Variants in FAM24A observed in about 807,000 individuals in gnomAD.
FAM24A encodes the protein protein FAM24A.
FAM24A carries 2 observed loss-of-function variants against 2.8 expected under a neutral mutation model. The observed-to-expected ratio is 0.73, with a 90% CI of 0.30 to 2.28. The LOEUF (loss-of-function observed/expected upper bound fraction) is 2.28, where lower values mean the gene tolerates loss of function less well. Among genes scored for constraint, FAM24A ranks in the 30% most tolerant of loss-of-function variants. FAM24A has a pLI of 0.12. For missense variants in FAM24A, 109 were observed against 132.0 expected, an observed-to-expected ratio of 0.83 and a Z score of 0.85; for synonymous variants, 46 against 47.5, an observed-to-expected ratio of 0.97 and a Z score of 0.13.
Position 122,911,754 on chromosome 10 carries a change from A to G in FAM24A, c.120A>G (p.Ala40=). 13 of 1,614,110 alleles carry G rather than the reference A, an allele frequency of 8.1e-6. No homozygotes were observed. Among genetic ancestry groups the G allele is most frequent in the Non-Finnish European group, 1.1e-5 (13 of 1,179,994 alleles). ...VFCLYFKVAK[A]LKAAKDPDAV... The stretch of plus-strand genomic sequence containing the variant: ...GTCTTTACTTCAAAGTAGCTAAGGC[A>G]CTAAAGTGAGTCATGTGGGGGAAAA... Residue 40 remains alanine, a synonymous_variant, in exon 2 of 3, where the codon GCA becomes GCG. Coordinates refer to ENST00000368894, the MANE Select transcript of FAM24A (RefSeq NM_001029888.3).
chr10:122,911,514 A>G (rs537060048), intron 1 of FAM24A, 119 bp from the exon 2 acceptor site: 330 of 1,444,494 alleles, frequency 2.3e-4, no homozygotes, highest in Non-Finnish European at 2.9e-4. Flanking sequence ...GACTCTCTGG[A>G]AAGATTTGCT....
intron 2 of FAM24A, 93 bp downstream of exon 2, chr10:122,911,852 T>G: frequency 4.7e-5 from 68 of 1,443,090 alleles, no homozygotes; most frequent in Non-Finnish European, 5.9e-5. Flanking sequence ...GCTGTGGCCA[T>G]ACCCCTGAGT....
intron 2 of FAM24A, among the ~76,000 whole-genome samples, chr10:122,912,338 G>A (rs1252108485): frequency 3.3e-5 from 5 of 152,176 alleles, no homozygotes; most frequent in Admixed American, 6.5e-5. Flanking sequence ...AGAAAGAAAA[G>A]GGAATGTAGG....
chr10:122,911,746 G>C lies in FAM24A; in HGVS notation c.112G>C (p.Ala38Pro). The change falls in exon 2 of 3, where the codon GCT (alanine) becomes CCT (proline). Residue 38 changes from alanine (A) to proline (P), a missense_variant. Ala to Pro is a conservative substitution (Grantham distance 27). Coordinates refer to ENST00000368894, the MANE Select transcript of FAM24A (RefSeq NM_001029888.3). The stretch of plus-strand genomic sequence containing the variant: ...TGTGTTCTGTCTTTACTTCAAAGTA[G>C]CTAAGGCACTAAAGTGAGTCATGTG... Reference protein sequence around the residue: ...SVVFCLYFKVAKALKAAKDPD... With the variant: ...SVVFCLYFKVPKALKAAKDPD... The C allele has an allele frequency of 6.2e-7, 1 of 1,614,136 alleles. No homozygotes were observed. The highest frequency in any genetic ancestry group is 8.5e-7 in the Non-Finnish European group (1 of 1,180,016).
Position 122,912,822 on chromosome 10 carries a change from G to T in FAM24A, c.186G>T (p.Trp62Cys). The T allele has an allele frequency of 6.2e-7, 1 of 1,614,078 alleles. No homozygotes were observed. The highest frequency in any genetic ancestry group is 8.5e-7 in the Non-Finnish European group (1 of 1,180,020). Residue 62 changes from tryptophan to cysteine, a missense_variant, in exon 3 of 3, where the codon TGG (tryptophan) becomes TGT (cysteine). Transcript: ENST00000368894. ...ATCACAACCCAGACAAGGTGTGTTG[G>T]GCCACGAACAGCCAGGCCAAAGCCA... is the stretch of plus-strand genomic sequence containing the variant. ...VKNHNPDKVC[W>C]ATNSQAKATT...
chr10:122,911,597 A>AAGG, intron 1 of FAM24A, 36 bp from the exon 2 acceptor site: 1 of 1,609,092 alleles, frequency 6.2e-7, no homozygotes, highest in Non-Finnish European at 8.5e-7. Context: ...TGTGGGGAGG[A>AAGG]AGGCCACGTT....
At position 122,912,764 on chromosome 10, in the gene FAM24A, C is replaced by T. The variant is rs1220896042; in HGVS notation, c.128C>T (p.Ala43Val). 2 of 1,608,398 alleles carry T rather than the reference C, an allele frequency of 1.2e-6. No homozygotes were observed. The highest frequency in any genetic ancestry group is 1.7e-6 in the Non-Finnish European group (2 of 1,178,356). The change falls in exon 3 of 3, where the codon GCT becomes GTT. Residue 43 changes from alanine (A) to valine (V), a missense_variant and splice_region_variant. Transcript: ENST00000368894. ...LYFKVAKALK[A>V]AKDPDAVAVK... ...AGCTTTGTGTGTCTTTTCTTAAGAG[C>T]TGCAAAGGACCCTGATGCTGTGGCT...
intron 1 of FAM24A, among the ~76,000 whole-genome samples, 192 bp downstream of exon 1, chr10:122,911,011 T>C (rs1026060574): frequency 9.2e-5 from 14 of 152,120 alleles, no homozygotes; most frequent in East Asian, 3.9e-4. Context: ...GGACAGGGGC[T>C]CCTGAATAAG....
At position 122,911,767 on chromosome 10, in the gene FAM24A, A is replaced by T. The variant is rs368792217; in HGVS notation, c.125+8A>T. The T allele has an allele frequency of 4.3e-6, 7 of 1,613,610 alleles. No homozygotes were observed. In the African/African-American group the frequency reaches 9.3e-5, roughly 22 times the overall value. On this transcript the variant is annotated splice_region_variant and intron_variant, in intron 2 of 2. Transcript: ENST00000368894. ...AGTAGCTAAGGCACTAAAGTGAGTC[A>T]TGTGGGGGAAAATGAATTACACCTC...
chr10:122,912,648 G>A (rs1349353960), intron 2 of FAM24A, 114 bp from the exon 3 acceptor site: 2 of 913,916 alleles, frequency 2.2e-6, no homozygotes, highest in African/African-American at 1.7e-5. Context: ...ATGTAGGGCT[G>A]GTGTTCATGT....
intron 2 of FAM24A, 42 bp from the exon 3 acceptor site, chr10:122,912,719 GA>G: frequency 2.6e-6 from 4 of 1,567,130 alleles, no homozygotes; most frequent in Non-Finnish European, 3.5e-6. Flanking sequence ...AATGGACTGA[GA>G]AGAAAAATTC....
chr10:122,912,695 C>A, intron 2 of FAM24A, 67 bp from the exon 3 acceptor site: 1 of 1,492,334 alleles, frequency 6.7e-7, no homozygotes. Flanking sequence ...CAGATACCCC[C>A]AACAATTCTA....
intron 1 of FAM24A, 99 bp from the exon 2 acceptor site, chr10:122,911,534 C>G: frequency 1.3e-6 from 2 of 1,528,274 alleles, no homozygotes; most frequent in Non-Finnish European, 1.8e-6. Context: ...TTGCAGTTTA[C>G]ATGTGTCTGG....
chr10:122,912,916 C>T lies in FAM24A; in HGVS notation c.280C>T (p.Leu94=), dbSNP rs748332731. 1 of 1,612,930 alleles carries T rather than the reference C, an allele frequency of 6.2e-7. No individual in the cohort carries two copies. The highest frequency in any genetic ancestry group is 1.7e-5 in the Admixed American group (1 of 59,800). ...GCRMHASSDS[L]PPCCCDINEG... The stretch of plus-strand genomic sequence containing the variant: ...TAGAATGCATGCCAGTTCTGATTCC[C>T]TGCCACCTTGCTGTTGTGACATAAA... The change falls in exon 3 of 3, where the codon CTG becomes TTG. Residue 94 remains leucine, a synonymous_variant. Coordinates refer to ENST00000368894, the MANE Select transcript of FAM24A (RefSeq NM_001029888.3).
rs1230859507 is a variant in FAM24A at position 122,913,020 on chromosome 10, TTCAAG to T, written c.*73_*77del. ...TCTTTCTTAATAGAATGTTTTATTA[TTCAAG>T]TCAAGTTCTAGAGTGTTTACATACT... On this transcript the variant is annotated 3_prime_UTR_variant, in exon 3 of 3. Coordinates refer to ENST00000368894, the MANE Select transcript of FAM24A (RefSeq NM_001029888.3). 10 of 1,441,912 alleles carry T rather than the reference TTCAAG, an allele frequency of 6.9e-6. No individual in the cohort carries two copies. The highest frequency in any genetic ancestry group is 8.5e-6 in the Non-Finnish European group (9 of 1,059,628). 89.3% of individuals were successfully genotyped at this position (1,441,912 alleles called of 1,614,324 possible).
Position 122,913,060 on chromosome 10 carries a change from T to G in FAM24A, c.*106T>G, listed in dbSNP as rs182776489. 1.5e-4 allele frequency: 139 copies of G among 957,352 alleles called. No homozygotes were observed. The East Asian group carries it at 3.5e-3, about 24-fold the overall frequency. The allele number at this position is 957,352 out of a possible 1,614,324, so 59.3% of individuals were successfully genotyped here. A position where few individuals can be genotyped will look rare whatever the true frequency, so the allele number is the denominator to read the frequency against. ...AGAGTGTTTACATACTATTATATAA[T>G]GTACAGTGTTATTTTCTGTACTTCT... is the stretch of plus-strand genomic sequence containing the variant. On this transcript the variant is annotated 3_prime_UTR_variant, in exon 3 of 3. Transcript: ENST00000368894.
chr10:122,912,469 T>TG (rs1289265336), intron 2 of FAM24A, among the ~76,000 whole-genome samples: 1 of 151,562 alleles, frequency 6.6e-6, no homozygotes, highest in Non-Finnish European at 1.5e-5. Context: ...GGGGCACAGC[T>TG]GAATGCAGCA....
chr10:122,910,655 G>A lies in FAM24A; in HGVS notation c.-167G>A, dbSNP rs960501962. On this transcript the variant is annotated 5_prime_UTR_variant, in exon 1 of 3. Coordinates refer to ENST00000368894, the MANE Select transcript of FAM24A (RefSeq NM_001029888.3). ...GCCTGAGCTTCCAAAAGTGAGCTGA[G>A]CTGTTCAACCTTGGATCTTAATTAC... 1 of 152,178 alleles carries A rather than the reference G, an allele frequency of 6.6e-6. No individual in the cohort carries two copies. The highest frequency in any genetic ancestry group is 1.5e-5 in the Non-Finnish European group (1 of 68,032). 9.4% of individuals were successfully genotyped at this position (152,178 alleles called of 1,614,324 possible). A position where few individuals can be genotyped will look rare whatever the true frequency, so the allele number is the denominator to read the frequency against.
chr10:122,912,714 A>T (rs1848331277), intron 2 of FAM24A, 48 bp from the exon 3 acceptor site: 1 of 1,554,440 alleles, frequency 6.4e-7, no homozygotes, highest in Non-Finnish European at 8.7e-7. Flanking sequence ...TAACAAATGG[A>T]CTGAGAAGAA....
Sources: allele counts gnomAD v4.1 joint callset (sites outside exome capture counted in the v4.1 genomes callset), GRCh38; gene constraint gnomAD v4.1.1; transcripts MANE v1.5; gene names NCBI Gene and HGNC (gene_info 2026-07-23, HGNC 2026-07-21).